Variants in KDM6A observed in about 807,000 individuals in gnomAD.
KDM6A encodes the protein lysine demethylase 6A.
KDM6A carries 11 observed loss-of-function variants against 117.6 expected under a neutral mutation model. The observed-to-expected ratio is 0.09, with a 90% CI of 0.06 to 0.15. KDM6A has a LOEUF of 0.15. Ranked by LOEUF, KDM6A falls within the 10% of genes least tolerant of loss-of-function variation. The pLI, the probability that KDM6A is intolerant of heterozygous loss-of-function variation, is 1.00. For synonymous variants in KDM6A, 384 were observed against 396.1 expected, an observed-to-expected ratio of 0.97 and a Z score of 0.36; for missense variants, 799 against 1,077.3, an observed-to-expected ratio of 0.74 and a Z score of 3.62.
Position 44,873,499 on chromosome X carries a change from C to T in KDM6A, c.-53C>T, listed in dbSNP as rs1366452446. ...CGCAGATTGGGGGCGTCACTGCGGG[C>T]CCCGGTCCGAGGGGGGGTGTCGGCG... On this transcript the variant is annotated 5_prime_UTR_variant, in exon 1 of 30. Coordinates refer to ENST00000611820, the MANE Select transcript of KDM6A (RefSeq NM_001291415.2). 13 of 1,203,903 alleles carry T rather than the reference C, an allele frequency of 1.1e-5. No homozygotes were observed. The East Asian group carries it at 3.3e-4, about 30-fold the overall frequency.
chrX:44,926,333 G>A (rs866786369), intron 2 of KDM6A, among the ~76,000 whole-genome samples: 10 of 111,225 alleles, frequency 9.0e-5, no homozygotes, highest in African/African-American at 2.9e-4. Context: ...TCGGCCTCCC[G>A]AAGTGCTGGG....
intron 9 of KDM6A, among the ~76,000 whole-genome samples, chrX:45,052,944 C>T (rs2043922799): frequency 9.0e-6 from 1 of 111,365 alleles, no homozygotes; most frequent in Non-Finnish European, 1.9e-5. Context: ...ATCCTTCTGC[C>T]TCAGCCTCCC....
intron 2 of KDM6A, among the ~76,000 whole-genome samples, chrX:44,915,750 G>A (rs1286625271): frequency 9.0e-6 from 1 of 111,377 alleles, no homozygotes; most frequent in African/African-American, 3.3e-5. Context: ...CTTAGTAGCC[G>A]TCTGAGTTAT....
At chrX:44,942,812 T>C (rs1440366532) in intron 2 of KDM6A, among the ~76,000 whole-genome samples, 1 of 110,798 alleles carries the variant, frequency 9.0e-6, no homozygotes, top group East Asian at 2.8e-4. Flanking sequence ...GTAAATGTTT[T>C]TTTAAAATTT....
intron 27 of KDM6A, among the ~76,000 whole-genome samples, chrX:45,101,392 G>T (rs758624378): frequency 1.8e-5 from 2 of 111,198 alleles, no homozygotes; most frequent in Non-Finnish European, 3.8e-5. Flanking sequence ...TTATTTTATA[G>T]AAACCCCAAT....
intron 2 of KDM6A, among the ~76,000 whole-genome samples, chrX:44,902,099 C>T (rs1001548194): frequency 1.8e-5 from 2 of 110,530 alleles, no homozygotes; most frequent in African/African-American, 3.3e-5. Context: ...TGGTGGCGCA[C>T]GCCTGTAGTC....
chrX:45,084,128 A>G (rs1337736602), intron 24 of KDM6A, among the ~76,000 whole-genome samples: 1 of 111,942 alleles, frequency 8.9e-6, no homozygotes, highest in Non-Finnish European at 1.9e-5. Context: ...TCATGTGGAG[A>G]CATTACTAGA....
intron 11 of KDM6A, 40 bp downstream of exon 11, chrX:45,059,144 T>G (rs1173704352): frequency 1.4e-5 from 17 of 1,180,135 alleles, no homozygotes; most frequent in Non-Finnish European, 2.0e-5. Flanking sequence ...TTAATTGATA[T>G]ACAAAGATGG....
intron 29 of KDM6A, among the ~76,000 whole-genome samples, chrX:45,110,737 C>T (rs767307520): frequency 9.9e-5 from 11 of 111,647 alleles, no homozygotes; most frequent in African/African-American, 3.6e-4. Flanking sequence ...TATTATGTAA[C>T]CTTATGAAAT....
intron 2 of KDM6A, among the ~76,000 whole-genome samples, chrX:44,887,891 C>G (rs567375614): frequency 1.8e-5 from 2 of 111,437 alleles, no homozygotes; most frequent in South Asian, 3.7e-4. Flanking sequence ...GTTTGTAGTT[C>G]CAGCTACATG....
chrX:45,102,763 A>G (rs753685564), intron 27 of KDM6A, among the ~76,000 whole-genome samples: 133 of 111,677 alleles, frequency 1.2e-3, no homozygotes, highest in Non-Finnish European at 2.2e-3. Context: ...TTTTCCCCCC[A>G]TCTAGGAGCT....
rs148875731 is a variant in KDM6A at position 45,095,428 on chromosome X, C to T, written c.4034+4564C>T. ...AAAGGGAAGAAAAAGTTGGGGATAG[C>T]ACTTTGTGGGGGATATGCCTGTTTA... is the stretch of plus-strand genomic sequence containing the variant. On this transcript the variant is annotated intron_variant, in intron 27 of 29. Transcript: ENST00000611820. Among the ~76,000 whole-genome samples, 885 of 110,960 alleles carry T rather than the reference C, an allele frequency of 8.0e-3. 13 individuals carry two copies. The highest frequency in any genetic ancestry group is 0.028 in the African/African-American group (852 of 30,492).
intron 4 of KDM6A, among the ~76,000 whole-genome samples, chrX:44,995,296 C>T (rs1426893089): frequency 9.1e-6 from 1 of 110,018 alleles, no homozygotes; most frequent in Non-Finnish European, 1.9e-5. Context: ...CTTTTGCGGC[C>T]AGCTCAGCCA....
intron 4 of KDM6A, among the ~76,000 whole-genome samples, chrX:44,981,465 AG>A (rs2039904384): frequency 9.0e-6 from 1 of 111,591 alleles, no homozygotes; most frequent in African/African-American, 3.3e-5. Context: ...GTCACCCTCT[AG>A]GGACTTCCGC....
In KDM6A at chrX:44,987,309, A is replaced by G. The variant is rs1459027578; in HGVS notation, c.384+12594A>G. Reference sequence around the variant, plus strand: ...TTTGAGCCTATGTGTGTCTCTGCACATGAGATGGGTTTCCTGAATACAGCA... The same window carrying G: ...TTTGAGCCTATGTGTGTCTCTGCACGTGAGATGGGTTTCCTGAATACAGCA... On this transcript the variant is annotated intron_variant, in intron 4 of 29. Coordinates refer to ENST00000611820, the MANE Select transcript of KDM6A (RefSeq NM_001291415.2). Among the ~76,000 whole-genome samples the G allele has an allele frequency of 4.5e-5, 5 of 111,200 alleles. No individual in the cohort carries two copies. The East Asian group carries it at 1.1e-3, about 25-fold the overall frequency.
chrX:45,075,266 A>G (rs759630968), intron 18 of KDM6A, among the ~76,000 whole-genome samples: 8 of 111,662 alleles, frequency 7.2e-5, no homozygotes, highest in African/African-American at 2.6e-4. Flanking sequence ...CAGTCTCGCC[A>G]AAAATTTTCT....
chrX:44,935,630 G>A (rs939944590), intron 2 of KDM6A, among the ~76,000 whole-genome samples: 4 of 111,280 alleles, frequency 3.6e-5, no homozygotes, highest in African/African-American at 9.8e-5. Context: ...CAAACAGTAC[G>A]AAGCTAAAAT....
intron 4 of KDM6A, among the ~76,000 whole-genome samples, chrX:44,980,535 T>A (rs2039854107): frequency 9.2e-6 from 1 of 108,500 alleles, no homozygotes; most frequent in Non-Finnish European, 1.9e-5. Flanking sequence ...ACTTCATAGT[T>A]CTTATCACAT....
intron 2 of KDM6A, among the ~76,000 whole-genome samples, chrX:44,950,109 C>T (rs1031193512): frequency 7.7e-4 from 85 of 110,381 alleles, no homozygotes; most frequent in African/African-American, 2.5e-3. Context: ...CTCCGCCTCC[C>T]GGGTTCAAGC....
Sources: allele counts gnomAD v4.1 joint callset (sites outside exome capture counted in the v4.1 genomes callset), GRCh38; gene constraint gnomAD v4.1.1; transcripts MANE v1.5; gene names NCBI Gene and HGNC (gene_info 2026-07-23, HGNC 2026-07-21).